Variants in WDR7 observed in about 807,000 individuals in gnomAD.
WDR7 encodes the protein WD repeat domain 7.
WDR7 carries 46 observed loss-of-function variants against 169.4 expected under a neutral mutation model. The ratio of observed to expected loss-of-function variants is 0.27; its 90% CI spans 0.21 to 0.35. WDR7 has a LOEUF of 0.35. WDR7 is among the 10% of genes least tolerant of loss of function. WDR7 has a pLI of 1.00. For missense variants in WDR7, 1,534 were observed against 1,859.3 expected (o/e 0.83, Z 3.22); for synonymous variants, 612 against 666.8 (o/e 0.92, Z 1.27).
chr18:56,822,706 A>T (rs535129834), intron 20 of WDR7, among the ~76,000 whole-genome samples: 13 of 152,304 alleles, frequency 8.5e-5, no homozygotes, highest in Non-Finnish European at 1.3e-4. Flanking sequence ...CTAAATTATC[A>T]CTACCCTTGC....
intron 26 of WDR7, among the ~76,000 whole-genome samples, chr18:56,966,815 G>T (rs2047415974): frequency 6.6e-6 from 1 of 152,144 alleles, no homozygotes; most frequent in African/African-American, 2.4e-5. Context: ...ATGGTCAGAT[G>T]CCCAGGGAGA....
At chr18:56,883,418 T>C (rs2145492676) in intron 21 of WDR7, among the ~76,000 whole-genome samples, 1 of 152,194 alleles carries the variant, frequency 6.6e-6, no homozygotes, top group African/African-American at 2.4e-5. Context: ...ATATGACTTT[T>C]CTTTTAACTG....
At chr18:56,830,182 C>T (rs539612930) in intron 20 of WDR7, among the ~76,000 whole-genome samples, 2 of 152,184 alleles carry the variant, frequency 1.3e-5, no homozygotes, top group Admixed American at 6.5e-5. Flanking sequence ...GTTTCAGTTG[C>T]GTTGATTTTG....
chr18:56,820,845 C>T (rs1160065933), intron 20 of WDR7, among the ~76,000 whole-genome samples: 2 of 152,018 alleles, frequency 1.3e-5, no homozygotes, highest in Non-Finnish European at 2.9e-5. Context: ...TTATGTTCTC[C>T]TTTTACAATC....
intron 16 of WDR7, among the ~76,000 whole-genome samples, chr18:56,775,404 G>A (rs1420585881): frequency 6.6e-6 from 1 of 152,036 alleles, no homozygotes; most frequent in African/African-American, 2.4e-5. Context: ...CATAATCACT[G>A]AATTTGTAAT....
intron 1 of WDR7, among the ~76,000 whole-genome samples, chr18:56,664,456 T>C (rs2024974600): frequency 6.6e-6 from 1 of 152,062 alleles, no homozygotes; most frequent in African/African-American, 2.4e-5. Context: ...ATAAAATAGA[T>C]TGAAATGGTA....
chr18:56,943,681 C>T (rs1025011974), intron 25 of WDR7, among the ~76,000 whole-genome samples: 7 of 152,046 alleles, frequency 4.6e-5, no homozygotes, highest in Non-Finnish European at 8.8e-5. Flanking sequence ...GCTTTCATAT[C>T]TGTAAAAAAG....
At chr18:56,934,917 TA>T (rs1335760978) in intron 22 of WDR7, among the ~76,000 whole-genome samples, 1 of 152,210 alleles carries the variant, frequency 6.6e-6, no homozygotes, top group East Asian at 1.9e-4. Flanking sequence ...TGTATACAGT[TA>T]ATGGGCAGAT....
intron 14 of WDR7, among the ~76,000 whole-genome samples, chr18:56,745,796 C>T (rs1476658919): frequency 6.6e-6 from 1 of 152,078 alleles, no homozygotes; most frequent in Non-Finnish European, 1.5e-5. Flanking sequence ...CAAAAGTAAC[C>T]TTAGTAACTC....
At chr18:56,795,078 G>A (rs1328618179) in intron 19 of WDR7, among the ~76,000 whole-genome samples, 4 of 152,170 alleles carry the variant, frequency 2.6e-5, no homozygotes, top group Admixed American at 6.5e-5. Context: ...ACAAAGACTC[G>A]AAGTGATTTT....
intron 21 of WDR7, among the ~76,000 whole-genome samples, chr18:56,882,113 G>T (rs75370619): frequency 0.014 from 2,128 of 152,244 alleles, 28 homozygotes; most frequent in East Asian, 0.035. Context: ...CCCCACTCGG[G>T]CTTATTTATC....
intron 20 of WDR7, among the ~76,000 whole-genome samples, chr18:56,840,228 G>A (rs937710401): frequency 6.6e-6 from 1 of 152,084 alleles, no homozygotes; most frequent in African/African-American, 2.4e-5. Flanking sequence ...TGAGCCATCC[G>A]TGACAGTGAC....
chr18:57,003,382 ATGT>A (rs774424552), intron 26 of WDR7, among the ~76,000 whole-genome samples: 5 of 152,232 alleles, frequency 3.3e-5, no homozygotes, highest in Non-Finnish European at 5.9e-5. Context: ...TTCAAAGGAA[ATGT>A]TGTTACTTTT....
chr18:56,794,327 T>TTTTTTTTTTTTTTTTA (rs1491121428), intron 19 of WDR7, among the ~76,000 whole-genome samples: 2 of 118,020 alleles, frequency 1.7e-5, no homozygotes, highest in Non-Finnish European at 1.8e-5. Flanking sequence ...TTTTTTTTTT[T>TTTTTTTTTTTTTTTTA]GAGACAGAGT....
intron 21 of WDR7, among the ~76,000 whole-genome samples, chr18:56,912,114 A>C (rs1044623299): frequency 6.6e-6 from 1 of 152,156 alleles, no homozygotes; most frequent in Non-Finnish European, 1.5e-5. Flanking sequence ...GTGAAGATGC[A>C]TTCCTGTAGA....
chr18:56,784,917 GT>G (rs201040305), intron 19 of WDR7, among the ~76,000 whole-genome samples: 1,452 of 144,072 alleles, frequency 0.01, 17 homozygotes, highest in Non-Finnish European at 0.015. Context: ...TATTGTTGTT[GT>G]TTTTTTTTTT....
intron 20 of WDR7, among the ~76,000 whole-genome samples, chr18:56,877,480 A>T (rs1297903673): frequency 1.3e-5 from 2 of 152,176 alleles, no homozygotes; most frequent in African/African-American, 4.8e-5. Context: ...GACCTCAGGG[A>T]CTGAGAGTGA....
chr18:56,985,673 A>C (rs1440271019), intron 26 of WDR7, among the ~76,000 whole-genome samples: 1 of 151,918 alleles, frequency 6.6e-6, no homozygotes, highest in East Asian at 1.9e-4. Flanking sequence ...TTTTTGTTTT[A>C]TATTGTTTTA....
chr18:56,976,451 C>T (rs2047567327), intron 26 of WDR7, among the ~76,000 whole-genome samples: 1 of 152,096 alleles, frequency 6.6e-6, no homozygotes, highest in Non-Finnish European at 1.5e-5. Context: ...ATTTCATCTG[C>T]AAAGTAATAG....
Sources: gnomAD v4.1 joint callset for allele counts (sites outside exome capture counted in the v4.1 genomes callset) on GRCh38, gnomAD v4.1.1 for gene constraint, MANE v1.5 for transcripts, NCBI Gene and HGNC (gene_info 2026-07-23, HGNC 2026-07-21) for gene names.